The following HSD17B3 variants were observed in gnomAD, a reference collection of about 807,000 sequenced individuals.
HSD17B3 encodes 17-beta-hydroxysteroid dehydrogenase type 3.
A neutral mutation model predicts 41.1 loss-of-function variants in HSD17B3; 29 were observed. The observed-to-expected ratio is 0.71, with a 90% CI of 0.53 to 0.96. The LOEUF is 0.96. Among genes scored for constraint, HSD17B3 ranks in the 40% least tolerant of loss-of-function variants. HSD17B3 has a pLI of 0.00. For synonymous variants in HSD17B3, 126 were observed against 145.6 expected, an observed-to-expected ratio of 0.87 and a Z score of 0.97; for missense variants, 323 against 374.6, an observed-to-expected ratio of 0.86 and a Z score of 1.14.
chr9:96,251,967 A>G (rs966647471), intron 4 of HSD17B3, among the ~76,000 whole-genome samples: 3 of 152,222 alleles, frequency 2.0e-5, no homozygotes, highest in Non-Finnish European at 4.4e-5. Context: ...AAAATTCAGC[A>G]GAAGGTTTAG....
At chr9:96,260,556 G>T (rs1825819195) in intron 2 of HSD17B3, among the ~76,000 whole-genome samples, 1 of 152,030 alleles carries the variant, frequency 6.6e-6, no homozygotes, top group South Asian at 2.1e-4. Flanking sequence ...TAAAGCTAAT[G>T]AAGGGCCATC....
rs992113224 is a variant in HSD17B3 at position 96,255,076 on chromosome 9, T to G, written c.202-133A>C. On this transcript the variant is annotated intron_variant, in intron 2 of 10. Coordinates refer to ENST00000375263, the MANE Select transcript of HSD17B3 (RefSeq NM_000197.2). ...TGGTTGCTTCACCTGGGTTTAAGTG[T>G]GCAGAATGTGACAAAGCTTTCTGGG... is the stretch of plus-strand genomic sequence containing the variant. The G allele has an allele frequency of 6.4e-6, 5 of 776,068 alleles. No homozygotes were observed. In the East Asian group the frequency reaches 1.1e-4, roughly 17 times the overall value. 48.1% of individuals were successfully genotyped at this position (776,068 alleles called of 1,614,324 possible).
At position 96,244,397 on chromosome 9, in the gene HSD17B3, G is replaced by A. The variant is rs1195390804; in HGVS notation, c.607-3C>T. The A allele has an allele frequency of 4.3e-6, 7 of 1,614,134 alleles. No individual in the cohort carries two copies. The highest frequency in any genetic ancestry group is 5.9e-6 in the Non-Finnish European group (7 of 1,180,016). ...TTGGAAAATGCGCACACAAACGCCT[G>A]GAGCAAGAAGGAGAGACACCTGAGG... On this transcript the variant is annotated splice_region_variant and splice_polypyrimidine_tract_variant and intron_variant, in intron 8 of 10. Transcript: ENST00000375263.
chr9:96,298,667 T>TG lies in HSD17B3; in HGVS notation c.155-206dup, dbSNP rs8190502. On this transcript the variant is annotated intron_variant, in intron 1 of 10. Transcript: ENST00000375263. Reference sequence around the variant, plus strand: ...TTGGTTGGTGGGTGGGTTGGTTGGTTGGTTGGTTTGTTGGTTGGTTGGTTG... The same window carrying TG: ...TTGGTTGGTGGGTGGGTTGGTTGGTTGGGTTGGTTTGTTGGTTGGTTGGTTG... Among the ~76,000 whole-genome samples, 663 of 152,108 alleles carry TG rather than the reference T, an allele frequency of 4.4e-3. 3 individuals are homozygous for TG. The highest frequency in any genetic ancestry group is 5.5e-3 in the Non-Finnish European group (372 of 67,978).
At position 96,255,051 on chromosome 9, in the gene HSD17B3, T is replaced by A. The variant is rs1825575028; in HGVS notation, c.202-108A>T. The A allele has an allele frequency of 7.5e-6, 7 of 927,520 alleles. No homozygotes were observed. The South Asian group carries it at 8.3e-5, about 11-fold the overall frequency. 57.5% of individuals were successfully genotyped at this position (927,520 alleles called of 1,614,324 possible). ...CTGTGCACATACTGGCAGGGTGACA[T>A]GGTTGCTTCACCTGGGTTTAAGTGT... On this transcript the variant is annotated intron_variant, in intron 2 of 10. Coordinates refer to ENST00000375263, the MANE Select transcript of HSD17B3 (RefSeq NM_000197.2).
intron 9 of HSD17B3, among the ~76,000 whole-genome samples, chr9:96,242,712 C>T (rs904291829): frequency 1.3e-5 from 2 of 152,172 alleles, no homozygotes; most frequent in Non-Finnish European, 1.5e-5. Flanking sequence ...CATTTCCCCA[C>T]CCACATCTCC....
At chr9:96,298,676 T>C (rs575766641) in intron 1 of HSD17B3, among the ~76,000 whole-genome samples, 2 of 151,886 alleles carry the variant, frequency 1.3e-5, no homozygotes, top group African/African-American at 4.8e-5. Flanking sequence ...TTGGTTGGTT[T>C]GTTGGTTGGT....
intron 6 of HSD17B3, among the ~76,000 whole-genome samples, chr9:96,249,299 A>C (rs1836798632): frequency 6.6e-6 from 1 of 152,224 alleles, no homozygotes; most frequent in South Asian, 2.1e-4. Flanking sequence ...CTGTGCTGGG[A>C]CCAGAACACA....
At chr9:96,294,312 C>T (rs1441518919) in intron 2 of HSD17B3, among the ~76,000 whole-genome samples, 2 of 151,938 alleles carry the variant, frequency 1.3e-5, no homozygotes, top group Non-Finnish European at 2.9e-5. Flanking sequence ...AAGTACAAAG[C>T]AAGAATTCAT....
At chr9:96,240,706 A>G (rs557205383) in intron 10 of HSD17B3, 52 bp downstream of exon 10, 55 of 1,598,880 alleles carry the variant, frequency 3.4e-5, no homozygotes, top group Non-Finnish European at 4.7e-5. Flanking sequence ...TGCCAGGGCC[A>G]CCTGCGTGTC....
intron 9 of HSD17B3, among the ~76,000 whole-genome samples, chr9:96,242,032 TA>T (rs59060950): frequency 3.4e-4 from 47 of 136,254 alleles, no homozygotes; most frequent in Admixed American, 1.0e-3. Flanking sequence ...AAAGAAAAAG[TA>T]AAAAAAAAAA....
Position 96,254,875 on chromosome 9 carries a change from T to C in HSD17B3, c.270A>G (p.Thr90=). ...RTLEKLEAIA[T]EIERTTGRSV... ...ATTTGGGGGGTCACTCACCGATCTCTGTGGCAATGGCCTCTAGTTTTTCCA... is the reference window on the plus strand; with the variant it reads ...ATTTGGGGGGTCACTCACCGATCTCCGTGGCAATGGCCTCTAGTTTTTCCA... Residue 90 remains threonine, a synonymous_variant, in exon 3 of 11, where the codon ACA becomes ACG. Coordinates refer to ENST00000375263, the MANE Select transcript of HSD17B3 (RefSeq NM_000197.2). 1 of 1,613,898 alleles carries C rather than the reference T, an allele frequency of 6.2e-7. No individual in the cohort carries two copies. Among genetic ancestry groups the C allele is most frequent in the Non-Finnish European group, 8.5e-7 (1 of 1,179,816 alleles).
intron 2 of HSD17B3, among the ~76,000 whole-genome samples, chr9:96,267,971 G>A (rs1308818601): frequency 6.6e-6 from 1 of 152,018 alleles, no homozygotes; most frequent in Non-Finnish European, 1.5e-5. Flanking sequence ...TATCACCCAG[G>A]CTGAGTGCAG....
intron 2 of HSD17B3, among the ~76,000 whole-genome samples, chr9:96,283,662 T>C (rs1194751477): frequency 2.6e-5 from 4 of 152,116 alleles, no homozygotes; most frequent in Admixed American, 2.6e-4. Flanking sequence ...GTAACCAAAT[T>C]TCCTTTGTCA....
intron 2 of HSD17B3, among the ~76,000 whole-genome samples, chr9:96,294,250 C>CA (rs35463519): frequency 0.38 from 52,950 of 140,578 alleles, 9,361 homozygotes; most frequent in Middle Eastern, 0.47. Context: ...CTCATCTCTA[C>CA]AAAAAAAAAA....
chr9:96,272,904 T>A (rs13302476), intron 2 of HSD17B3, among the ~76,000 whole-genome samples: 30,196 of 152,034 alleles, frequency 0.2, 3,602 homozygotes, highest in East Asian at 0.56. Flanking sequence ...ACTACTGATA[T>A]AATGACGTTG....
chr9:96,235,651 T>A lies in HSD17B3; in HGVS notation c.823-81A>T, dbSNP rs1836208091. 7 of 1,160,342 alleles carry A rather than the reference T, an allele frequency of 6.0e-6. No individual in the cohort carries two copies. The South Asian group carries it at 7.8e-5, about 13-fold the overall frequency. The allele number at this position is 1,160,342 out of a possible 1,614,324, so 71.9% of individuals were successfully genotyped here. A position where few individuals can be genotyped will look rare whatever the true frequency, so the allele number is the denominator to read the frequency against. ...TCATCTTTGTGGTCTTTAAAAATAT[T>A]TTTTTCTGACTACTAAAGTGGAGCC... On this transcript the variant is annotated intron_variant, in intron 10 of 10. Transcript: ENST00000375263.
At chr9:96,284,439 C>G (rs1209590070) in intron 2 of HSD17B3, among the ~76,000 whole-genome samples, 1 of 152,130 alleles carries the variant, frequency 6.6e-6, no homozygotes, top group Non-Finnish European at 1.5e-5. Flanking sequence ...TGCGAGTATT[C>G]TTAATTTAAT....
At chr9:96,285,019 A>T (rs1000184635) in intron 2 of HSD17B3, among the ~76,000 whole-genome samples, 4 of 151,928 alleles carry the variant, frequency 2.6e-5, no homozygotes, top group Non-Finnish European at 5.9e-5. Context: ...TTGTATTTTT[A>T]GTAGAGACGG....
Sources: gnomAD v4.1 joint callset for allele counts (sites outside exome capture counted in the v4.1 genomes callset) on GRCh38, gnomAD v4.1.1 for gene constraint, MANE v1.5 for transcripts, NCBI Gene and HGNC (gene_info 2026-07-23, HGNC 2026-07-21) for gene names.